Variants in ASCC1 observed in about 807,000 individuals in gnomAD.
ASCC1 encodes the protein ASC-1 complex subunit P50.
ASCC1 carries 35 observed loss-of-function variants against 46.6 expected under a neutral mutation model. The observed-to-expected ratio is 0.75, with a 90% CI of 0.57 to 0.99. The LOEUF is 0.99. ASCC1 is among the 50% of genes least tolerant of loss of function. The pLI is 0.00. For missense variants in ASCC1, 376 were observed against 428.7 expected (o/e 0.88, Z 1.09); for synonymous variants, 143 against 146.6 (o/e 0.98, Z 0.18).
chr10:72,211,324 G>C (rs973035581), intron 2 of ASCC1, among the ~76,000 whole-genome samples: 1 of 152,102 alleles, frequency 6.6e-6, no homozygotes, highest in African/African-American at 2.4e-5. Flanking sequence ...ATATACAGTT[G>C]GCCCTCCATA....
rs1166268648 is a variant in ASCC1, at chr10:72,161,504, G to A, written c.626+34C>T. 6.2e-6 allele frequency: 10 copies of A among 1,613,802 alleles called. No homozygotes were observed. The Admixed American group carries it at 1.5e-4, about 24-fold the overall frequency. On this transcript the variant is annotated intron_variant, in intron 6 of 9. Transcript: ENST00000672957. ...TACCAAAAAGAAGCCAGCCCAGGTA[G>A]ACCACCCAACCCCCATCCCTGAGAA...
intron 5 of ASCC1, among the ~76,000 whole-genome samples, chr10:72,187,355 G>A (rs891633115): frequency 6.6e-5 from 10 of 152,130 alleles, no homozygotes; most frequent in African/African-American, 2.4e-4. Context: ...TGTAATCCCA[G>A]CACTTTGGGA....
chr10:72,184,102 C>T (rs1182652982), intron 5 of ASCC1, among the ~76,000 whole-genome samples: 1 of 151,862 alleles, frequency 6.6e-6, no homozygotes, highest in East Asian at 1.9e-4. Context: ...CGAGACTGCA[C>T]CACTGCACTC....
intron 8 of ASCC1, among the ~76,000 whole-genome samples, chr10:72,128,748 A>G (rs1845198464): frequency 6.6e-6 from 1 of 152,200 alleles, no homozygotes; most frequent in South Asian, 2.1e-4. Flanking sequence ...GCTGTGCTCT[A>G]GCTTCTTAAG....
At chr10:72,180,153 C>T (rs957251687) in intron 5 of ASCC1, among the ~76,000 whole-genome samples, 6 of 152,148 alleles carry the variant, frequency 3.9e-5, no homozygotes, top group African/African-American at 7.2e-5. Context: ...TTGGCACATG[C>T]CTATAATTCC....
intron 4 of ASCC1, among the ~76,000 whole-genome samples, chr10:72,197,339 G>A (rs191246270): frequency 1.1e-4 from 16 of 151,566 alleles, no homozygotes; most frequent in Admixed American, 2.0e-4. Context: ...GCCTGGTGGC[G>A]GGCGCCTGTA....
At chr10:72,155,867 C>T (rs979995141) in intron 6 of ASCC1, among the ~76,000 whole-genome samples, 1 of 152,194 alleles carries the variant, frequency 6.6e-6, no homozygotes, top group Admixed American at 6.5e-5. Context: ...CCATCTTATC[C>T]ACATCTATAT....
At chr10:72,108,561 T>C (rs1842606982) in intron 9 of ASCC1, among the ~76,000 whole-genome samples, 1 of 152,252 alleles carries the variant, frequency 6.6e-6, no homozygotes. Context: ...CTCATTTCTG[T>C]GAAGTCCCTG....
chr10:72,196,945 G>C lies in ASCC1; in HGVS notation c.355C>G (p.Arg119Gly). 1 of 1,613,614 alleles carries C rather than the reference G, an allele frequency of 6.2e-7. No individual in the cohort carries two copies. Reference sequence around the variant, plus strand: ...AAAGTGTCCAAAAGAACATCAATCCGTGTTCGGGCTGAAATTACACCATTT... The same window carrying C: ...AAAGTGTCCAAAAGAACATCAATCCCTGTTCGGGCTGAAATTACACCATTT... ...HRNGVISART[R>G]IDVLLDTFRR... Residue 119 changes from arginine to glycine, a missense_variant, in exon 5 of 10, where the codon CGG becomes GGG. Arg to Gly is a moderately radical substitution (Grantham distance 125). Coordinates refer to ENST00000672957, the MANE Select transcript of ASCC1 (RefSeq NM_001198800.3).
intron 7 of ASCC1, among the ~76,000 whole-genome samples, chr10:72,136,072 G>C (rs1337888817): frequency 6.6e-6 from 1 of 152,106 alleles, no homozygotes; most frequent in Non-Finnish European, 1.5e-5. Context: ...GCCCAGGCTA[G>C]AGTGCAGTAG....
intron 9 of ASCC1, among the ~76,000 whole-genome samples, chr10:72,105,798 T>C (rs1286806430): frequency 1.3e-5 from 2 of 152,152 alleles, no homozygotes; most frequent in Non-Finnish European, 2.9e-5. Context: ...TGGTTATTTT[T>C]CCTTGCATTC....
intron 8 of ASCC1, among the ~76,000 whole-genome samples, chr10:72,128,574 T>A (rs1175935545): frequency 1.3e-5 from 2 of 152,192 alleles, no homozygotes; most frequent in East Asian, 3.8e-4. Flanking sequence ...TTTAAATATG[T>A]AAAAATACAT....
At chr10:72,106,548 C>A (rs1842364918) in intron 9 of ASCC1, among the ~76,000 whole-genome samples, 1 of 152,172 alleles carries the variant, frequency 6.6e-6, no homozygotes, top group Non-Finnish European at 1.5e-5. Context: ...AGTAGTAACA[C>A]TATTTTGTAC....
intron 5 of ASCC1, among the ~76,000 whole-genome samples, chr10:72,187,555 C>T (rs1853655147): frequency 6.7e-6 from 1 of 149,328 alleles, no homozygotes; most frequent in African/African-American, 2.5e-5. Flanking sequence ...CCTGTCTCTA[C>T]TAAAAATACA....
intron 2 of ASCC1, among the ~76,000 whole-genome samples, chr10:72,211,914 T>G (rs1353550091): frequency 6.6e-6 from 1 of 152,210 alleles, no homozygotes; most frequent in Non-Finnish European, 1.5e-5. Context: ...CCGGTCATGG[T>G]GGCTCATGCC....
rs147032136 is a variant in ASCC1, at chr10:72,182,223, A to G, written c.489+14588T>C. On this transcript the variant is annotated intron_variant, in intron 5 of 9. Transcript: ENST00000672957. ...CCAGTTAAGAAGTTGCAGGAACCAA[A>G]CATACACCTAACCATGAAAAGGTCA... 4.1e-4 allele frequency among the ~76,000 whole-genome samples: 63 copies of G among 152,312 alleles called. 2 individuals carry two copies. In the East Asian group the frequency reaches 6.6e-3, roughly 16 times the overall value.
At chr10:72,182,104 G>T (rs141508089) in intron 5 of ASCC1, among the ~76,000 whole-genome samples, 6 of 152,270 alleles carry the variant, frequency 3.9e-5, no homozygotes, top group African/African-American at 1.4e-4. Context: ...GAAACAGCAA[G>T]AAAGGAGACT....
intron 5 of ASCC1, among the ~76,000 whole-genome samples, chr10:72,168,407 C>T (rs1414308703): frequency 1.3e-5 from 2 of 152,116 alleles, no homozygotes; most frequent in East Asian, 3.8e-4. Flanking sequence ...GACAAAAAAT[C>T]AAAAGCTTCA....
At chr10:72,110,992 A>G (rs2132015340) in intron 9 of ASCC1, among the ~76,000 whole-genome samples, 1 of 152,364 alleles carries the variant, frequency 6.6e-6, no homozygotes, top group East Asian at 1.9e-4. Flanking sequence ...ATCCTCTGTC[A>G]GAACCAAAGG....
Sources: gnomAD v4.1 joint callset for allele counts (sites outside exome capture counted in the v4.1 genomes callset) on GRCh38, gnomAD v4.1.1 for gene constraint, MANE v1.5 for transcripts, NCBI Gene and HGNC (gene_info 2026-07-23, HGNC 2026-07-21) for gene names.